Variants in VTI1A observed in about 807,000 individuals in gnomAD.
VTI1A encodes the protein vesicle transport through interaction with t-SNAREs homolog 1A.
A neutral mutation model predicts 34.9 loss-of-function variants in VTI1A; 22 were observed. That is an observed-to-expected ratio of 0.63 (90% CI 0.45 to 0.90). The LOEUF (loss-of-function observed/expected upper bound fraction) is 0.90. Ranked by LOEUF, VTI1A falls within the 40% of genes least tolerant of loss-of-function variation. The probability of loss-of-function intolerance (pLI) is 0.00; values close to 1 mark genes in which losing one functional copy is unlikely to be tolerated. For synonymous variants in VTI1A, 87 were observed against 97.3 expected (o/e 0.89, Z 0.62); for missense variants, 268 against 275.6 (o/e 0.97, Z 0.20).
chr10:112,553,882 TTATC>T (rs1307331806), intron 5 of VTI1A, among the ~76,000 whole-genome samples: 2 of 152,326 alleles, frequency 1.3e-5, no homozygotes, highest in African/African-American at 4.8e-5. Context: ...GGAGGGCAGT[TTATC>T]TATCTCTGCA....
chr10:112,563,568 G>C (rs1042276137), intron 5 of VTI1A, among the ~76,000 whole-genome samples: 1 of 152,036 alleles, frequency 6.6e-6, no homozygotes, highest in Non-Finnish European at 1.5e-5. Context: ...TTGACCATTC[G>C]ACTTGCGAGC....
chr10:112,787,990 C>T (rs1191743300), intron 7 of VTI1A, among the ~76,000 whole-genome samples: 3 of 151,610 alleles, frequency 2.0e-5, no homozygotes, highest in African/African-American at 7.3e-5. Flanking sequence ...CATGAGCCAC[C>T]GCGCCTGGCC....
At chr10:112,610,354 A>T (rs1384795416) in intron 5 of VTI1A, among the ~76,000 whole-genome samples, 1 of 152,014 alleles carries the variant, frequency 6.6e-6, no homozygotes, top group African/African-American at 2.4e-5. Flanking sequence ...GAGCCTTGTA[A>T]TCTCATTTTC....
At chr10:112,668,130 A>T in intron 5 of VTI1A, 88 bp from the exon 6 acceptor site, 1 of 1,071,410 alleles carries the variant, frequency 9.3e-7, no homozygotes, top group African/African-American at 1.6e-5. Flanking sequence ...ATGCAACTTT[A>T]ACATTTTATG....
At chr10:112,672,460 G>A (rs1847885356) in intron 7 of VTI1A, among the ~76,000 whole-genome samples, 1 of 152,216 alleles carries the variant, frequency 6.6e-6, no homozygotes, top group African/African-American at 2.4e-5. Flanking sequence ...ATGTGATGGA[G>A]AGCCATCCAG....
chr10:112,736,829 G>C (rs1312799321), intron 7 of VTI1A: 7 of 1,177,962 alleles, frequency 5.9e-6, no homozygotes, highest in Non-Finnish European at 8.7e-6. Context: ...TCAATGAGAA[G>C]CCTTCTCACT....
intron 7 of VTI1A, among the ~76,000 whole-genome samples, chr10:112,763,524 G>C (rs531993208): frequency 3.9e-5 from 6 of 152,012 alleles, no homozygotes; most frequent in African/African-American, 9.6e-5. Flanking sequence ...GCACTAAGGT[G>C]ATGAGGTTGA....
intron 7 of VTI1A, among the ~76,000 whole-genome samples, chr10:112,788,581 G>A (rs1213764491): frequency 6.6e-6 from 1 of 152,098 alleles, no homozygotes; most frequent in African/African-American, 2.4e-5. Flanking sequence ...TTTATATCCA[G>A]TCTAACAATC....
chr10:112,701,475 A>G (rs753057053), intron 7 of VTI1A, among the ~76,000 whole-genome samples: 9 of 152,238 alleles, frequency 5.9e-5, no homozygotes, highest in Non-Finnish European at 1.2e-4. Flanking sequence ...TTTGGAATGT[A>G]TAAAGCCTCG....
At chr10:112,680,993 A>G (rs893643797) in intron 7 of VTI1A, among the ~76,000 whole-genome samples, 1 of 152,108 alleles carries the variant, frequency 6.6e-6, no homozygotes, top group Non-Finnish European at 1.5e-5. Context: ...AAAACAACTT[A>G]TAACCTCATC....
chr10:112,664,436 T>A (rs1847572574), intron 5 of VTI1A, among the ~76,000 whole-genome samples: 1 of 152,176 alleles, frequency 6.6e-6, no homozygotes, highest in Non-Finnish European at 1.5e-5. Context: ...AGACTTATAC[T>A]GTTGTTCAGA....
At chr10:112,538,390 T>C in intron 5 of VTI1A, 60 bp downstream of exon 5, 2 of 1,496,554 alleles carry the variant, frequency 1.3e-6, no homozygotes, top group South Asian at 2.3e-5. Flanking sequence ...TCACAACACA[T>C]GACATTTCAG....
chr10:112,779,800 T>C (rs1334174907), intron 7 of VTI1A, among the ~76,000 whole-genome samples: 2 of 152,158 alleles, frequency 1.3e-5, no homozygotes, highest in Admixed American at 1.3e-4. Flanking sequence ...ACAGGTGAGA[T>C]TGGCGAGAGA....
intron 3 of VTI1A, among the ~76,000 whole-genome samples, chr10:112,505,605 G>A (rs1024939896): frequency 2.0e-5 from 3 of 151,820 alleles, no homozygotes; most frequent in East Asian, 3.9e-4. Context: ...GTGGCTGTGC[G>A]TAAACTATGT....
Position 112,767,188 on chromosome 10 carries a change from C to G in VTI1A, c.561-48102C>G, listed in dbSNP as rs1487686716. ...TGAGTGCCTTACTGTGTGTCAGGTA[C>G]TGTGCTAAGCTCTTATATGTGTTAG... On this transcript the variant is annotated intron_variant, in intron 7 of 7. Coordinates refer to ENST00000393077, the MANE Select transcript of VTI1A (RefSeq NM_145206.4). This position sits in a 1 kb window ranked among gnomAD's most constrained non-coding sequence, Gnocchi z 4.0. 6.6e-6 allele frequency among the ~76,000 whole-genome samples: 1 copy of G among 152,194 alleles called. No homozygotes were observed. The highest frequency in any genetic ancestry group is 1.5e-5 in the Non-Finnish European group (1 of 68,032).
At chr10:112,800,856 T>G (rs1852853117) in intron 7 of VTI1A, among the ~76,000 whole-genome samples, 2 of 152,190 alleles carry the variant, frequency 1.3e-5, no homozygotes, top group Admixed American at 1.3e-4. Flanking sequence ...ATTTTCATTT[T>G]CACACTAAAA....
At position 112,595,751 on chromosome 10, in the gene VTI1A, TG is replaced by T. The variant is rs1351207670; in HGVS notation, c.427+57423del. On this transcript the variant is annotated intron_variant, in intron 5 of 7. Transcript: ENST00000393077. ...AGTTCAACCATTGTGGAAGTCAGTG[TG>T]GCGATTCCTCAGGGATCTAGAACTA... Among the ~76,000 whole-genome samples, 1,139 of 151,780 alleles carry T rather than the reference TG, an allele frequency of 7.5e-3. 23 individuals are homozygous for T. The highest frequency in any genetic ancestry group is 0.027 in the African/African-American group (1,101 of 41,258).
chr10:112,816,526 C>T lies in VTI1A; in HGVS notation c.*1143C>T, dbSNP rs2134098161. ...ACTATGTATTCAAACTTCTAATATGCTTTGTGATTTTTTTCTTTCATTTCT... is the reference window on the plus strand; with the variant it reads ...ACTATGTATTCAAACTTCTAATATGTTTTGTGATTTTTTTCTTTCATTTCT... On this transcript the variant is annotated 3_prime_UTR_variant, in exon 8 of 8. Transcript: ENST00000393077. 1 of 223,318 alleles carries T rather than the reference C, an allele frequency of 4.5e-6. No homozygotes were observed. The allele number at this position is 223,318 out of a possible 1,614,324, so 13.8% of individuals were successfully genotyped here. A position where few individuals can be genotyped will look rare whatever the true frequency, so the allele number is the denominator to read the frequency against.
At chr10:112,515,242 A>G (rs550268426) in intron 3 of VTI1A, among the ~76,000 whole-genome samples, 32 of 152,186 alleles carry the variant, frequency 2.1e-4, no homozygotes, top group Middle Eastern at 3.4e-3. Flanking sequence ...GATTAGCTAT[A>G]AAAGATCAGA....
Sources: gnomAD v4.1 joint callset for allele counts (sites outside exome capture counted in the v4.1 genomes callset) on GRCh38, gnomAD v4.1.1 for gene constraint, Gnocchi (gnomAD v3.1) non-coding constraint, MANE v1.5 for transcripts, NCBI Gene and HGNC (gene_info 2026-07-23, HGNC 2026-07-21) for gene names.